GRIN2B: variants seen among roughly 807,000 people sequenced by gnomAD.
GRIN2B encodes the protein glutamate ionotropic receptor NMDA type subunit 2B.
In GRIN2B, 5 loss-of-function variants were observed where a neutral mutation model predicts 114.5. The ratio of observed to expected loss-of-function variants is 0.04; its 90% CI spans 0.02 to 0.09. The LOEUF is 0.09. Ranked by LOEUF, GRIN2B falls within the 10% of genes least tolerant of loss-of-function variation. The probability of loss-of-function intolerance (pLI) is 1.00; values close to 1 mark genes in which losing one functional copy is unlikely to be tolerated. For missense variants in GRIN2B, 1,108 were observed against 1,943.5 expected (o/e 0.57, Z 8.08); for synonymous variants, 787 against 745.1 (o/e 1.06, Z -0.92).
chr12:13,758,599 A>C (rs1863620981), intron 3 of GRIN2B, among the ~76,000 whole-genome samples: 2 of 152,208 alleles, frequency 1.3e-5, no homozygotes, highest in African/African-American at 4.8e-5. Context: ...CTGTCACTGT[A>C]AGCATTCAAA....
intron 5 of GRIN2B, among the ~76,000 whole-genome samples, chr12:13,670,986 G>A (rs1950017237): frequency 6.6e-6 from 1 of 152,118 alleles, no homozygotes; most frequent in African/African-American, 2.4e-5. Context: ...ATCTGTAAAT[G>A]TTTGGAGTAT....
chr12:13,845,260 A>G (rs1203025329), intron 3 of GRIN2B, among the ~76,000 whole-genome samples: 1 of 152,156 alleles, frequency 6.6e-6, no homozygotes. Context: ...AATCTCTAAT[A>G]TATAGGCTTT....
chr12:13,863,862 C>T (rs1865785247), intron 3 of GRIN2B, among the ~76,000 whole-genome samples: 1 of 152,166 alleles, frequency 6.6e-6, no homozygotes, highest in South Asian at 2.1e-4. Context: ...ACCTGTTGTG[C>T]TCTCAAAGTA....
chr12:13,890,391 A>G (rs765744199), intron 2 of GRIN2B, among the ~76,000 whole-genome samples: 1 of 152,170 alleles, frequency 6.6e-6, no homozygotes, highest in Non-Finnish European at 1.5e-5. Flanking sequence ...TCTGAAAGCC[A>G]TATTGGGGAT....
intron 5 of GRIN2B, among the ~76,000 whole-genome samples, chr12:13,640,118 G>A (rs148186216): frequency 6.6e-6 from 1 of 152,248 alleles, no homozygotes; most frequent in East Asian, 1.9e-4. Context: ...AGGCATGGTG[G>A]TACATGATTG....
At chr12:13,781,588 T>G (rs188660990) in intron 3 of GRIN2B, among the ~76,000 whole-genome samples, 61 of 152,312 alleles carry the variant, frequency 4.0e-4, no homozygotes, top group Non-Finnish European at 6.9e-4. Context: ...TTTAAGCTGC[T>G]TAGTTTGAAG....
At chr12:13,758,998 ATTTTTTTTT>A (rs5796560) in intron 3 of GRIN2B, among the ~76,000 whole-genome samples, 1 of 85,624 alleles carries the variant, frequency 1.2e-5, no homozygotes, top group Non-Finnish European at 2.2e-5. Flanking sequence ...ATCTAGTTCA[ATTTTTTTTT>A]TTTTTTTTTT....
intron 3 of GRIN2B, among the ~76,000 whole-genome samples, chr12:13,758,289 T>A (rs1482620833): frequency 1.3e-5 from 2 of 152,110 alleles, no homozygotes; most frequent in African/African-American, 4.8e-5. Flanking sequence ...CACCCCCTAA[T>A]AAACCCCCTG....
intron 3 of GRIN2B, among the ~76,000 whole-genome samples, chr12:13,825,496 T>TTTTGTGTGTGTG (rs375940899): frequency 6.5e-5 from 8 of 122,972 alleles, no homozygotes; most frequent in South Asian, 2.6e-4. Context: ...TATATATATT[T>TTTTGTGTGTGTG]TGTGTGTGTG....
In GRIN2B at chr12:13,793,586, T is replaced by C. The variant is rs1864356657; in HGVS notation, c.412-39671A>G. Among the ~76,000 whole-genome samples the C allele has an allele frequency of 1.3e-5, 2 of 152,232 alleles. 1 individual carries two copies. The highest frequency in any genetic ancestry group is 4.1e-4 in the South Asian group (2 of 4,834). Reference sequence around the variant, plus strand: ...GCCAATTGTGATTCTGTTTTTCTCCTACTTTTCTTTGGCCTATGATTCCTA... The same window carrying C: ...GCCAATTGTGATTCTGTTTTTCTCCCACTTTTCTTTGGCCTATGATTCCTA... On this transcript the variant is annotated intron_variant, in intron 3 of 13. Transcript: ENST00000609686.
intron 2 of GRIN2B, among the ~76,000 whole-genome samples, chr12:13,898,904 G>A (rs757519389): frequency 1.1e-4 from 17 of 152,270 alleles, no homozygotes; most frequent in Middle Eastern, 3.4e-3. Flanking sequence ...GCAAAACTCC[G>A]TCTCAAAAAT....
intron 3 of GRIN2B, among the ~76,000 whole-genome samples, chr12:13,779,016 A>T (rs550230185): frequency 2.8e-4 from 43 of 151,850 alleles, no homozygotes; most frequent in African/African-American, 1.0e-3. Context: ...ACGCGACCCA[A>T]CCCCTGCTCT....
At position 13,866,116 on chromosome 12, in the gene GRIN2B, G is replaced by T; in HGVS notation, c.93C>A (p.Ser31Arg). ...TGACAGCAATGCCAATGCTGGGGGG[G>T]CTCTTCTGAGAACGAGCTCTGCTGC... ...VSGSRARSQKSPPSIGIAVIL... is the reference protein window; with the variant it reads ...VSGSRARSQKRPPSIGIAVIL... The change falls in exon 3 of 14, where the codon AGC becomes AGA. Residue 31 changes from serine to arginine, a missense_variant. Physicochemically the swap from Ser to Arg is moderately radical, Grantham distance 110. Transcript: ENST00000609686. The T allele has an allele frequency of 6.2e-7, 1 of 1,613,866 alleles. No individual in the cohort carries two copies. Among genetic ancestry groups the T allele is most frequent in the East Asian group, 2.2e-5 (1 of 44,834 alleles).
chr12:13,909,888 T>C (rs1317489526), intron 2 of GRIN2B, among the ~76,000 whole-genome samples: 1 of 152,168 alleles, frequency 6.6e-6, no homozygotes, highest in African/African-American at 2.4e-5. Context: ...AAAGTTCTTG[T>C]TTCTAAAGAC....
intron 5 of GRIN2B, among the ~76,000 whole-genome samples, chr12:13,623,751 C>CT (rs1949541207): frequency 2.6e-5 from 4 of 152,190 alleles, no homozygotes; most frequent in African/African-American, 9.6e-5. Flanking sequence ...TCTGACTGGT[C>CT]TTTTTTTCTG....
At chr12:13,945,533 A>T (rs912515663) in intron 2 of GRIN2B, among the ~76,000 whole-genome samples, 1 of 152,208 alleles carries the variant, frequency 6.6e-6, no homozygotes, top group African/African-American at 2.4e-5. Context: ...TCCTGTGAAT[A>T]CAATGGCAGC....
At chr12:13,691,084 A>G (rs16909366) in intron 4 of GRIN2B, among the ~76,000 whole-genome samples, 3,398 of 152,242 alleles carry the variant, frequency 0.022, 126 homozygotes, top group African/African-American at 0.078. Flanking sequence ...CTTTTTCTCA[A>G]TCTTCACATG....
At chr12:13,769,766 A>G (rs1863870911) in intron 3 of GRIN2B, among the ~76,000 whole-genome samples, 1 of 152,228 alleles carries the variant, frequency 6.6e-6, no homozygotes, top group Admixed American at 6.5e-5. Flanking sequence ...ATAATAAATA[A>G]GCAGGTAGAT....
chr12:13,965,348 G>T (rs1202873843), intron 2 of GRIN2B, among the ~76,000 whole-genome samples: 1 of 152,086 alleles, frequency 6.6e-6, no homozygotes, highest in Non-Finnish European at 1.5e-5. Flanking sequence ...TTATACACTG[G>T]CTCTCAGAGA....
Sources: gnomAD v4.1 joint callset for allele counts (sites outside exome capture counted in the v4.1 genomes callset) on GRCh38, gnomAD v4.1.1 for gene constraint, MANE v1.5 for transcripts, NCBI Gene and HGNC (gene_info 2026-07-23, HGNC 2026-07-21) for gene names.